UBE3D: variants seen among roughly 807,000 people sequenced by gnomAD.
The protein encoded by UBE3D is ubiquitin protein ligase E3D.
Under a neutral mutation model 49.6 loss-of-function variants are expected in UBE3D, and 48 were observed. The ratio of observed to expected loss-of-function variants is 0.97; its 90% confidence interval spans 0.77 to 1.23. UBE3D has a LOEUF of 1.23. Ranked by LOEUF, UBE3D falls within the 50% of genes most tolerant of loss-of-function variation. The probability of loss-of-function intolerance (pLI) is 0.00; values close to 1 mark genes in which losing one functional copy is unlikely to be tolerated. For synonymous variants in UBE3D, 189 were observed against 174.2 expected, an observed-to-expected ratio of 1.08 and a Z score of -0.67; for missense variants, 452 against 468.4, an observed-to-expected ratio of 0.96 and a Z score of 0.32.
downstream of UBE3D, among the ~76,000 whole-genome samples, chr6:82,887,569 C>T (rs1420551773): frequency 6.6e-6 from 1 of 150,644 alleles, no homozygotes; most frequent in Non-Finnish European, 1.5e-5. Context: ...ATTAGCCGGG[C>T]GTGGTGGTGC....
chr6:82,952,459 C>T (rs1442825904), intron 9 of UBE3D, among the ~76,000 whole-genome samples: 1 of 151,660 alleles, frequency 6.6e-6, no homozygotes, highest in African/African-American at 2.4e-5. Flanking sequence ...TAGGGTCTCA[C>T]TCTCACCCAA....
chr6:82,907,183 C>A (rs1477570860), intron 9 of UBE3D, among the ~76,000 whole-genome samples: 1 of 152,106 alleles, frequency 6.6e-6, no homozygotes, highest in Non-Finnish European at 1.5e-5. Context: ...GGGACAGGTT[C>A]CTGCTGTTAA....
chr6:83,015,152 C>A (rs1257129085), intron 8 of UBE3D, among the ~76,000 whole-genome samples: 1 of 152,146 alleles, frequency 6.6e-6, no homozygotes, highest in Non-Finnish European at 1.5e-5. Flanking sequence ...ACTGTTAGAT[C>A]TGATATACAG....
At chr6:83,048,884 T>C (rs1237729710) in intron 3 of UBE3D, among the ~76,000 whole-genome samples, 3 of 152,086 alleles carry the variant, frequency 2.0e-5, no homozygotes, top group Non-Finnish European at 2.9e-5. Flanking sequence ...ATAAAATACA[T>C]ACCATTTTTT....
intron 8 of UBE3D, among the ~76,000 whole-genome samples, chr6:83,011,149 C>T (rs1780310111): frequency 6.6e-6 from 1 of 152,016 alleles, no homozygotes; most frequent in African/African-American, 2.4e-5. Flanking sequence ...TACTTAAAAG[C>T]TGATATGAAG....
intron 9 of UBE3D, among the ~76,000 whole-genome samples, chr6:82,894,983 CA>C (rs994926183): frequency 6.6e-6 from 1 of 152,146 alleles, no homozygotes; most frequent in African/African-American, 2.4e-5. Flanking sequence ...AAATACTTAG[CA>C]TAAGGATAAC....
chr6:82,920,063 A>T (rs915616865), intron 9 of UBE3D, among the ~76,000 whole-genome samples: 1 of 152,264 alleles, frequency 6.6e-6, no homozygotes, highest in African/African-American at 2.4e-5. Flanking sequence ...TGGAAAAAAT[A>T]TATATAAATC....
At chr6:83,041,456 A>G (rs1782664392) in intron 4 of UBE3D, among the ~76,000 whole-genome samples, 1 of 152,246 alleles carries the variant, frequency 6.6e-6, no homozygotes, top group Non-Finnish European at 1.5e-5. Context: ...ATGGCCTGGT[A>G]GTATATCATC....
At chr6:82,972,401 A>T (rs1307257351) in intron 8 of UBE3D, among the ~76,000 whole-genome samples, 1 of 152,198 alleles carries the variant, frequency 6.6e-6, no homozygotes, top group Non-Finnish European at 1.5e-5. Context: ...AATCCTAATG[A>T]CTAAGAATTC....
intron 9 of UBE3D, among the ~76,000 whole-genome samples, chr6:82,951,927 G>A (rs993821043): frequency 5.9e-5 from 9 of 152,146 alleles, no homozygotes; most frequent in African/African-American, 1.9e-4. Context: ...ATGTACATAA[G>A]GGTCTTTAGA....
intron 5 of UBE3D, among the ~76,000 whole-genome samples, chr6:83,032,719 C>T (rs1412931464): frequency 2.0e-5 from 3 of 152,084 alleles, no homozygotes; most frequent in Admixed American, 6.5e-5. Context: ...CCATAATCCC[C>T]AGGTGTCATA....
intron 8 of UBE3D, among the ~76,000 whole-genome samples, chr6:82,992,915 AC>A (rs1157638974): frequency 6.6e-6 from 1 of 152,136 alleles, no homozygotes; most frequent in Non-Finnish European, 1.5e-5. Context: ...TTTACATAAT[AC>A]TAGATACAGA....
In UBE3D at chr6:83,065,777, A is replaced by C; in HGVS notation, c.-59T>G. On this transcript the variant is annotated 5_prime_UTR_variant, in exon 1 of 10. Transcript: ENST00000369747. Reference sequence around the variant, plus strand: ...GAGGTTCCGAGGGGCCCGGGTCAACAGGACCAGGAGAGGTTCCACGTGCGG... The same window carrying C: ...GAGGTTCCGAGGGGCCCGGGTCAACCGGACCAGGAGAGGTTCCACGTGCGG... The C allele has an allele frequency of 3.9e-6, 6 of 1,521,848 alleles. No individual in the cohort carries two copies. Among genetic ancestry groups the C allele is most frequent in the Non-Finnish European group, 4.5e-6 (5 of 1,117,064 alleles). The allele number at this position is 1,521,848 out of a possible 1,614,324, so 94.3% of individuals were successfully genotyped here. A position where few individuals can be genotyped will look rare whatever the true frequency, so the allele number is the denominator to read the frequency against.
intron 8 of UBE3D, among the ~76,000 whole-genome samples, chr6:82,959,599 C>T (rs1227268813): frequency 6.6e-6 from 1 of 151,600 alleles, no homozygotes; most frequent in East Asian, 1.9e-4. Flanking sequence ...CCACCTGGCC[C>T]ACTTCCTTCA....
intron 9 of UBE3D, among the ~76,000 whole-genome samples, chr6:82,939,895 C>T (rs1428185946): frequency 6.6e-6 from 1 of 152,182 alleles, no homozygotes; most frequent in East Asian, 1.9e-4. Context: ...ATACATCATC[C>T]CTGCTTCTCT....
intron 9 of UBE3D, among the ~76,000 whole-genome samples, chr6:82,943,174 T>G (rs1775141127): frequency 6.6e-6 from 1 of 152,218 alleles, no homozygotes; most frequent in African/African-American, 2.4e-5. Context: ...AGCCCCTTTG[T>G]TTTGGCCAAT....
At chr6:83,047,057 A>G (rs1333939831) in intron 3 of UBE3D, among the ~76,000 whole-genome samples, 1 of 152,212 alleles carries the variant, frequency 6.6e-6, no homozygotes, top group African/African-American at 2.4e-5. Flanking sequence ...GAGCTCTTAA[A>G]TATTTGTTGA....
chr6:82,990,563 C>T (rs1778815908), intron 8 of UBE3D, among the ~76,000 whole-genome samples: 1 of 152,148 alleles, frequency 6.6e-6, no homozygotes, highest in Non-Finnish European at 1.5e-5. Context: ...CAGGCATGAG[C>T]CACCACACCT....
At position 82,892,994 on chromosome 6, in the gene UBE3D, G is replaced by C. The variant is rs762150137; in HGVS notation, c.*28C>G. On this transcript the variant is annotated 3_prime_UTR_variant, in exon 10 of 10. Transcript: ENST00000369747. ...TGCTCCTGCTTGAGAGCTGTCTGCC[G>C]GGGGAGGAGAATGCCCAGCTCTAAT... The C allele has an allele frequency of 6.2e-7, 1 of 1,613,138 alleles. No homozygotes were observed. Among genetic ancestry groups the C allele is most frequent in the Non-Finnish European group, 8.5e-7 (1 of 1,179,558 alleles).
Sources: allele counts gnomAD v4.1 joint callset (sites outside exome capture counted in the v4.1 genomes callset), GRCh38; gene constraint gnomAD v4.1.1; transcripts MANE v1.5; gene names NCBI Gene and HGNC (gene_info 2026-07-23, HGNC 2026-07-21).